Variants in CLEC16A observed in about 807,000 individuals in gnomAD.
CLEC16A encodes C-type lectin domain containing 16A, also known as protein CLEC16A.
In CLEC16A, 51 loss-of-function variants were observed where a neutral mutation model predicts 109.5. That is an observed-to-expected ratio of 0.47 (90% CI 0.37 to 0.59). The LOEUF (loss-of-function observed/expected upper bound fraction) is 0.59. Ranked by LOEUF, CLEC16A falls within the 20% of genes least tolerant of loss-of-function variation. The pLI, the probability that CLEC16A is intolerant of heterozygous loss-of-function variation, is 0.00. For missense variants in CLEC16A, 1,339 were observed against 1,394.0 expected, an observed-to-expected ratio of 0.96 and a Z score of 0.63; for synonymous variants, 673 against 564.2, an observed-to-expected ratio of 1.19 and a Z score of -2.73.
chr16:10,987,271 T>A (rs2043728277), intron 10 of CLEC16A, among the ~76,000 whole-genome samples: 1 of 152,164 alleles, frequency 6.6e-6, no homozygotes, highest in South Asian at 2.1e-4. Flanking sequence ...GGTAACATCT[T>A]GCAAAACTCT....
chr16:10,977,309 C>A lies in CLEC16A; in HGVS notation c.813C>A (p.Asn271Lys), dbSNP rs1343023933. 1 of 1,614,016 alleles carries A rather than the reference C, an allele frequency of 6.2e-7. No individual in the cohort carries two copies. The part of the protein sequence containing the change: ...LHYLNDILII[N>K]CEFLNDVLTD... ...ATCTCAATGACATCCTGATCATCAA[C>A]TGTGAGTTCCTCAACGATGTGCTCA... Residue 271 changes from asparagine (N) to lysine (K), a missense_variant, in exon 8 of 24, where the codon AAC (asparagine) becomes AAA (lysine). By Grantham distance (94) the Asn-to-Lys change is moderately conservative (BLOSUM62 0). Around this residue, in one of 3 missense-constraint regions of CLEC16A, gnomAD observed 161 missense variants for 267.1 expected, o/e 0.60. Transcript: ENST00000409790.
chr16:11,177,868 A>G (rs1325013892), intron 23 of CLEC16A, among the ~76,000 whole-genome samples: 1 of 146,676 alleles, frequency 6.8e-6, no homozygotes, highest in Non-Finnish European at 1.5e-5. Flanking sequence ...TTTTTTTTTT[A>G]ATATTGCAGT....
intron 10 of CLEC16A, among the ~76,000 whole-genome samples, chr16:10,991,403 G>A (rs1041849940): frequency 1.6e-4 from 21 of 129,330 alleles, no homozygotes; most frequent in Admixed American, 1.5e-3. Flanking sequence ...CAGCCTGGGC[G>A]ACAGAGCAAG....
At chr16:11,120,819 C>T (rs2052351727) in intron 20 of CLEC16A, 53 bp downstream of exon 20, 2 of 1,199,600 alleles carry the variant, frequency 1.7e-6, no homozygotes, top group African/African-American at 3.1e-5. Context: ...CAAACACACA[C>T]ACACACACAC....
intron 22 of CLEC16A, among the ~76,000 whole-genome samples, chr16:11,152,925 C>G (rs1359065185): frequency 2.0e-5 from 3 of 152,100 alleles, no homozygotes; most frequent in African/African-American, 7.2e-5. Context: ...ATTCATGGCT[C>G]TAAAACCGTG....
intron 22 of CLEC16A, among the ~76,000 whole-genome samples, chr16:11,147,133 C>A (rs569374599): frequency 6.6e-6 from 1 of 151,852 alleles, no homozygotes; most frequent in South Asian, 2.1e-4. Context: ...TGTCTCAGCC[C>A]ACAGGCTGCC....
intron 1 of CLEC16A, among the ~76,000 whole-genome samples, chr16:10,955,666 G>C (rs2145883117): frequency 6.6e-6 from 1 of 152,312 alleles, no homozygotes; most frequent in Non-Finnish European, 1.5e-5. Context: ...CTTCAGAGCA[G>C]ACCCACCCAC....
At chr16:11,113,514 T>A (rs2051743983) in intron 19 of CLEC16A, among the ~76,000 whole-genome samples, 1 of 151,834 alleles carries the variant, frequency 6.6e-6, no homozygotes. Flanking sequence ...AAGAATTAGC[T>A]GGGCATGGAT....
intron 17 of CLEC16A, among the ~76,000 whole-genome samples, chr16:11,051,070 A>G (rs2047914090): frequency 6.6e-6 from 1 of 152,180 alleles, no homozygotes; most frequent in Non-Finnish European, 1.5e-5. Flanking sequence ...CTTGCAGCGG[A>G]ATCAGCTCTC....
intron 23 of CLEC16A, among the ~76,000 whole-genome samples, chr16:11,170,323 T>A (rs1042357502): frequency 6.6e-6 from 1 of 152,180 alleles, no homozygotes; most frequent in Non-Finnish European, 1.5e-5. Context: ...GGCCTGGTGC[T>A]TTCCTAAAAT....
chr16:10,956,793 C>CTTATTTATTTAT (rs60491400), intron 1 of CLEC16A, among the ~76,000 whole-genome samples: 2 of 151,756 alleles, frequency 1.3e-5, no homozygotes, highest in Admixed American at 6.6e-5. Context: ...CTCTGCAGCC[C>CTTATTTATTTAT]TTATTTATTT....
chr16:10,949,037 T>C, intron 1 of CLEC16A, among the ~76,000 whole-genome samples: 1 of 152,060 alleles, frequency 6.6e-6, no homozygotes, highest in Non-Finnish European at 1.5e-5. Context: ...TTCCCTTCCC[T>C]GGAGCAAGAG....
At chr16:11,051,105 T>C (rs16957984) in intron 17 of CLEC16A, among the ~76,000 whole-genome samples, 20,626 of 152,202 alleles carry the variant, frequency 0.14, 1,406 homozygotes, top group African/African-American at 0.15. Flanking sequence ...GCCATCGCCA[T>C]AGCTGTTATC....
chr16:11,049,629 G>T (rs1164824591), intron 17 of CLEC16A, among the ~76,000 whole-genome samples: 1 of 152,244 alleles, frequency 6.6e-6, no homozygotes. Context: ...CTTCTGAGTG[G>T]AAGGGGGTGG....
rs2047950426 is a variant in CLEC16A, at chr16:11,051,702, C to T, written c.1995+61C>T. The T allele has an allele frequency of 2.5e-6, 4 of 1,590,604 alleles. No individual in the cohort carries two copies. The South Asian group carries it at 4.4e-5, about 18-fold the overall frequency. The stretch of plus-strand genomic sequence containing the variant: ...CTGTTCTCCAGAACCACTCCCAGAC[C>T]AGGGAGGAAAGGGCTTCTTTGTCAA... On this transcript the variant is annotated intron_variant, in intron 18 of 23. Transcript: ENST00000409790.
intron 19 of CLEC16A, among the ~76,000 whole-genome samples, chr16:11,086,657 C>T (rs1259652233): frequency 6.6e-6 from 1 of 152,170 alleles, no homozygotes; most frequent in South Asian, 2.1e-4. Context: ...ATTCTCCTGC[C>T]TCAGCCTCCC....
intron 10 of CLEC16A, among the ~76,000 whole-genome samples, chr16:10,984,722 T>G (rs1596883856): frequency 6.6e-6 from 1 of 152,298 alleles, no homozygotes; most frequent in South Asian, 2.1e-4. Context: ...TCTGCAACTT[T>G]CTTAAACTAG....
At chr16:11,082,739 A>T (rs2049796903) in intron 19 of CLEC16A, among the ~76,000 whole-genome samples, 1 of 152,210 alleles carries the variant, frequency 6.6e-6, no homozygotes, top group African/African-American at 2.4e-5. Flanking sequence ...TAAGACTCAC[A>T]GCTGGCTTGA....
intron 1 of CLEC16A, among the ~76,000 whole-genome samples, chr16:10,950,022 A>G (rs997587189): frequency 6.6e-6 from 1 of 152,182 alleles, no homozygotes; most frequent in Non-Finnish European, 1.5e-5. Context: ...TGTCTTCTCT[A>G]ACTTCTTCTG....
Sources: gnomAD v4.1 joint callset for allele counts (sites outside exome capture counted in the v4.1 genomes callset) on GRCh38, gnomAD v4.1.1 for gene constraint, gnomAD v4.1.1 regional missense constraint, MANE v1.5 for transcripts, NCBI Gene and HGNC (gene_info 2026-07-23, HGNC 2026-07-21) for gene names.